The following PCDHA8 variants were observed in gnomAD, a reference collection of about 807,000 sequenced individuals.
PCDHA8 encodes protocadherin alpha-8.
A neutral mutation model predicts 61.8 loss-of-function variants in PCDHA8; 53 were observed. That is an observed-to-expected ratio of 0.86 (90% CI 0.69 to 1.08). PCDHA8 has a LOEUF of 1.08. Ranked by LOEUF, PCDHA8 falls within the 50% of genes least tolerant of loss-of-function variation. The pLI is 0.00. For synonymous variants in PCDHA8, 618 were observed against 556.6 expected (o/e 1.11, Z -1.55); for missense variants, 1,293 against 1,245.0 (o/e 1.04, Z -0.58).
chr5:140,856,831 A>G, intron 1 of PCDHA8: 1 of 1,591,946 alleles, frequency 6.3e-7, no homozygotes, highest in African/African-American at 1.3e-5. Flanking sequence ...CATTAGTAAT[A>G]CGGCTCAACG....
At chr5:140,944,124 G>T (rs922088265) in intron 1 of PCDHA8, among the ~76,000 whole-genome samples, 10 of 152,200 alleles carry the variant, frequency 6.6e-5, no homozygotes, top group Admixed American at 6.5e-4. Context: ...TACCAGAGAA[G>T]AAAAGGTTGA....
At chr5:140,990,736 C>G (rs181451094) in intron 3 of PCDHA8, among the ~76,000 whole-genome samples, 22 of 152,218 alleles carry the variant, frequency 1.4e-4, no homozygotes, top group African/African-American at 5.3e-4. Flanking sequence ...TATCAACAGC[C>G]CTAGGGTGGA....
At position 140,856,108 on chromosome 5, in the gene PCDHA8, C is replaced by T. The variant is rs782347472; in HGVS notation, c.2394+12393C>T. 109 of 1,597,910 alleles carry T rather than the reference C, an allele frequency of 6.8e-5. 10 individuals are homozygous for T. The highest frequency in any genetic ancestry group is 9.3e-5 in the Non-Finnish European group (109 of 1,167,634). ...GTCTGCTGCTCTCGCTTCTTCTCCT[C>T]GCAGCCTGGGAGGTGGGGAGCGGCC... On this transcript the variant is annotated intron_variant, in intron 1 of 3. Transcript: ENST00000531613.
chr5:140,929,046 C>T, intron 1 of PCDHA8: 3 of 1,614,206 alleles, frequency 1.9e-6, no homozygotes, highest in Non-Finnish European at 2.5e-6. Context: ...CTCAGAGCTG[C>T]TGTCGCTCTA....
At chr5:140,870,554 A>C (rs1554164402) in intron 1 of PCDHA8, 1 of 1,614,044 alleles carries the variant, frequency 6.2e-7, no homozygotes, top group African/African-American at 1.3e-5. Context: ...GCGGACGCGC[A>C]GGAGAACGCG....
At chr5:141,007,227 A>G (rs1458505596) in intron 3 of PCDHA8, among the ~76,000 whole-genome samples, 1 of 151,972 alleles carries the variant, frequency 6.6e-6, no homozygotes, top group Non-Finnish European at 1.5e-5. Flanking sequence ...CAAAATAAGA[A>G]GGATTGTTGA....
rs1778700503 is a variant in PCDHA8 at position 140,843,236 on chromosome 5, G to A, written c.1915G>A (p.Glu639Lys). Residue 639 changes from glutamate (E) to lysine (K), a missense_variant, in exon 1 of 4, where the codon GAA (glutamate) becomes AAA (lysine). Glu to Lys is a moderately conservative substitution (Grantham distance 56). Coordinates refer to ENST00000531613, the MANE Select transcript of PCDHA8 (RefSeq NM_018911.3). ...GATCAGCACCACTCGTGTCCTGGACGAAGCGGACTCTCCGCGCCACCGTCT... is the reference window on the plus strand; with the variant it reads ...GATCAGCACCACTCGTGTCCTGGACAAAGCGGACTCTCCGCGCCACCGTCT... ...GEISTTRVLD[E>K]ADSPRHRLLV... 1 of 1,595,846 alleles carries A rather than the reference G, an allele frequency of 6.3e-7. No individual in the cohort carries two copies. Among genetic ancestry groups the A allele is most frequent in the Non-Finnish European group, 8.6e-7 (1 of 1,165,552 alleles).
chr5:140,870,801 G>T (rs1210285882), intron 1 of PCDHA8: 6 of 1,613,670 alleles, frequency 3.7e-6, no homozygotes, highest in Non-Finnish European at 5.1e-6. Context: ...CACTGCTGGC[G>T]ACTCAGGCTG....
At chr5:140,927,200 AC>A in intron 1 of PCDHA8, 1 of 1,614,014 alleles carries the variant, frequency 6.2e-7, no homozygotes, top group Non-Finnish European at 8.5e-7. Context: ...GTGCTCGAGG[AC>A]CCGCTGGAGC....
chr5:140,959,373 C>CA lies in PCDHA8; in HGVS notation c.2395-19566dup, dbSNP rs1243465116. Among the ~76,000 whole-genome samples the CA allele has an allele frequency of 8.3e-3, 1,208 of 145,190 alleles. 7 individuals carry two copies. Among genetic ancestry groups the CA allele is most frequent in the Admixed American group, 0.016 (228 of 14,544 alleles). ...GGGACAACTGAGTGAGACCCTGTCT[C>CA]AAAAAAAAAAGTCACAAATTAAGAT... On this transcript the variant is annotated intron_variant, in intron 1 of 3. Coordinates refer to ENST00000531613, the MANE Select transcript of PCDHA8 (RefSeq NM_018911.3).
intron 1 of PCDHA8, chr5:140,871,009 C>T (rs1288290775): frequency 1.9e-6 from 3 of 1,613,246 alleles, no homozygotes; most frequent in African/African-American, 2.7e-5. Flanking sequence ...AACGCGTGCC[C>T]TGGACGAGGC....
intron 1 of PCDHA8, chr5:140,869,081 T>C: frequency 6.3e-7 from 1 of 1,581,722 alleles, no homozygotes; most frequent in Non-Finnish European, 8.6e-7. Flanking sequence ...AGAAGCTTAT[T>C]TTGGAAGCCA....
chr5:140,921,213 G>T (rs759293646), intron 1 of PCDHA8, among the ~76,000 whole-genome samples: 1 of 151,496 alleles, frequency 6.6e-6, no homozygotes, highest in Admixed American at 6.6e-5. Flanking sequence ...GATAATTCAC[G>T]TCTTTTTTGC....
intron 3 of PCDHA8, among the ~76,000 whole-genome samples, chr5:141,000,339 ATC>A (rs1414297743): frequency 2.0e-5 from 2 of 102,334 alleles, no homozygotes; most frequent in Admixed American, 1.0e-4. Context: ...GCAAGGCCCT[ATC>A]TCTCTCTCTG....
chr5:140,874,266 T>C (rs1554167103), intron 1 of PCDHA8, among the ~76,000 whole-genome samples: 2 of 152,222 alleles, frequency 1.3e-5, no homozygotes, highest in Admixed American at 1.3e-4. Context: ...TTGACTTGAG[T>C]ATTAATAGAC....
chr5:140,967,299 G>T, intron 1 of PCDHA8: 3 of 1,612,674 alleles, frequency 1.9e-6, no homozygotes, highest in Non-Finnish European at 2.5e-6. Flanking sequence ...CCCGACGTGG[G>T]CGCCAACTCA....
At chr5:140,953,540 T>C (rs1217393469) in intron 1 of PCDHA8, among the ~76,000 whole-genome samples, 1 of 152,174 alleles carries the variant, frequency 6.6e-6, no homozygotes, top group Non-Finnish European at 1.5e-5. Flanking sequence ...CACTTCATGC[T>C]GATTCTTTTC....
rs1554165105 is a variant in PCDHA8 at position 140,871,093 on chromosome 5, G to A, written c.2394+27378G>A. 3 of 1,613,300 alleles carry A rather than the reference G, an allele frequency of 1.9e-6. No individual in the cohort carries two copies. Among genetic ancestry groups the A allele is most frequent in the East Asian group, 4.5e-5 (2 of 44,870 alleles). ...GCCGGCGCTGACGGCCACGGCCACC[G>A]TGCTGGTGTCGTTGGTGGAGAGCGG... On this transcript the variant is annotated intron_variant, in intron 1 of 3. Transcript: ENST00000531613.
Position 140,876,990 on chromosome 5 carries a change from C to T in PCDHA8, c.2394+33275C>T, listed in dbSNP as rs374520504. The T allele has an allele frequency of 2.2e-5, 35 of 1,612,500 alleles. No individual in the cohort carries two copies. In the South Asian group the frequency reaches 2.9e-4, roughly 13 times the overall value. On this transcript the variant is annotated intron_variant, in intron 1 of 3. Coordinates refer to ENST00000531613, the MANE Select transcript of PCDHA8 (RefSeq NM_018911.3). ...GGGTGGGCGAGCACGCACTGTCGAG[C>T]TACGTGTCGGTGCACGCGGAGAGCG... is the stretch of plus-strand genomic sequence containing the variant.
Sources: allele counts gnomAD v4.1 joint callset (sites outside exome capture counted in the v4.1 genomes callset), GRCh38; gene constraint gnomAD v4.1.1; transcripts MANE v1.5; gene names NCBI Gene and HGNC (gene_info 2026-07-23, HGNC 2026-07-21).